The following PDE4A variants were observed in gnomAD, a reference collection of about 807,000 sequenced individuals.
PDE4A encodes the protein phosphodiesterase 4A, also known as 3',5'-cyclic-AMP phosphodiesterase 4A.
PDE4A carries 21 observed loss-of-function variants against 73.9 expected under a neutral mutation model. The observed-to-expected ratio is 0.28, with a 90% confidence interval of 0.20 to 0.41. PDE4A has a LOEUF of 0.41. Among genes scored for constraint, PDE4A ranks in the 10% least tolerant of loss-of-function variants. The pLI is 1.00. For synonymous variants in PDE4A, 463 were observed against 505.4 expected (o/e 0.92, Z 1.13); for missense variants, 958 against 1,211.4 (o/e 0.79, Z 3.10).
chr19:10,458,612 T>A lies in PDE4A; in HGVS notation c.1101+510T>A, dbSNP rs1328287004. On this transcript the variant is annotated intron_variant, in intron 8 of 14. Transcript: ENST00000380702. This position sits in a 1 kb window ranked among gnomAD's most constrained non-coding sequence, Gnocchi z 4.6. Reference sequence around the variant, plus strand: ...ATTCAGTCACCTGGCCTTTAGTTATTTATTTTTATTTATTTATTTATTTTG... The same window carrying A: ...ATTCAGTCACCTGGCCTTTAGTTATATATTTTTATTTATTTATTTATTTTG... Among the ~76,000 whole-genome samples, 1 of 152,086 alleles carries A rather than the reference T, an allele frequency of 6.6e-6. No individual in the cohort carries two copies. The highest frequency in any genetic ancestry group is 1.5e-5 in the Non-Finnish European group (1 of 68,018).
At position 10,463,986 on chromosome 19, in the gene PDE4A, G is replaced by A. The variant is rs200200254; in HGVS notation, c.1926+11G>A. On this transcript the variant is annotated intron_variant, in intron 14 of 14. Transcript: ENST00000380702. ...GTGGAGAAGTCTCAGGTACAGGCTC[G>A]GGGCATTGATGGACGGGCACAGGGT... is the stretch of plus-strand genomic sequence containing the variant. 549 of 1,613,560 alleles carry A rather than the reference G, an allele frequency of 3.4e-4. 1 individual carries two copies. Among genetic ancestry groups the A allele is most frequent in the Admixed American group, 7.0e-4 (42 of 59,922 alleles).
intron 13 of PDE4A, among the ~76,000 whole-genome samples, chr19:10,463,251 G>A (rs1290127311): frequency 6.6e-6 from 1 of 151,548 alleles, no homozygotes; most frequent in Non-Finnish European, 1.5e-5. Flanking sequence ...CACCAGACCT[G>A]GCTAATTTTT....
chr19:10,467,062 C>T lies in PDE4A; in HGVS notation c.2102C>T (p.Pro701Leu), dbSNP rs1325410572. Residue 701 changes from proline to leucine, a missense_variant, in exon 15 of 15, where the codon CCA becomes CTA. Pro to Leu is a moderately conservative substitution (Grantham distance 98). Transcript: ENST00000380702. ...GAGGAGTCAAGGGGGCCAGGCCACC[C>T]ACCCCTGCCTGACAAGTTCCAGTTT... Reference protein sequence around the residue: ...PEEESRGPGHPPLPDKFQFEL... With the variant: ...PEEESRGPGHLPLPDKFQFEL... The T allele has an allele frequency of 6.2e-7, 1 of 1,614,192 alleles. No homozygotes were observed. Among genetic ancestry groups the T allele is most frequent in the South Asian group, 1.1e-5 (1 of 91,086 alleles).
At chr19:10,438,456 C>A (rs1346802114) in intron 1 of PDE4A, among the ~76,000 whole-genome samples, 1 of 152,036 alleles carries the variant, frequency 6.6e-6, no homozygotes, top group Non-Finnish European at 1.5e-5. Context: ...CACAAACACA[C>A]CATTTCCCTA....
At chr19:10,428,859 G>A (rs776836161) in intron 1 of PDE4A, 276 of 985,276 alleles carry the variant, frequency 2.8e-4, no homozygotes, top group Non-Finnish European at 3.2e-4. Context: ...ACTGTTGGGC[G>A]CAGTGGCTCA....
intron 10 of PDE4A, 38 bp downstream of exon 10, chr19:10,459,797 CTT>C: frequency 1.9e-6 from 3 of 1,565,232 alleles, no homozygotes; most frequent in East Asian, 2.3e-5. Flanking sequence ...CCCCATCTCT[CTT>C]TGTGACTGCC....
At position 10,424,149 on chromosome 19, in the gene PDE4A, A is replaced by C. The variant is rs1468618961; in HGVS notation, c.320+3065A>C. On this transcript the variant is annotated intron_variant, in intron 1 of 14. Coordinates refer to ENST00000380702, the MANE Select transcript of PDE4A (RefSeq NM_001111307.2). The surrounding 1 kb of genome is among the most constrained non-coding windows in gnomAD (Gnocchi z 4.8). ...CATCCAAACCTCCCCTCCAGACCTG[A>C]AGATGTATGAGACGGCTGAGTCACG... Among the ~76,000 whole-genome samples the C allele has an allele frequency of 1.3e-5, 2 of 152,180 alleles. No individual in the cohort carries two copies. The highest frequency in any genetic ancestry group is 4.1e-4 in the South Asian group (2 of 4,834).
intron 1 of PDE4A, chr19:10,421,363 G>A (rs2042649565): frequency 1.0e-6 from 1 of 983,896 alleles, no homozygotes; most frequent in South Asian, 4.7e-5. Flanking sequence ...GCACACTTAG[G>A]GGTCTGTATT....
chr19:10,458,055 A>G lies in PDE4A; in HGVS notation c.1054A>G (p.Ile352Val), dbSNP rs909224071. The G allele has an allele frequency of 8.1e-6, 13 of 1,613,790 alleles. No individual in the cohort carries two copies. The highest frequency in any genetic ancestry group is 1.0e-5 in the Non-Finnish European group (12 of 1,180,016). Residue 352 changes from isoleucine (I) to valine (V), a missense_variant, in exon 8 of 15, where the codon ATT (isoleucine) becomes GTT (valine). By Grantham distance (29) the Ile-to-Val change is conservative (BLOSUM62 3). This residue lies in a region of PDE4A where 570 missense variants were observed against 827.7 expected (regional missense o/e 0.69). Transcript: ENST00000380702. This position sits in a 1 kb window ranked among gnomAD's most constrained non-coding sequence, Gnocchi z 4.6. ...TAGTAACAGCCTGAACAACTCTAACATTCCCCGATTTGGGGTGAAGACCGA... is the reference window on the plus strand; with the variant it reads ...TAGTAACAGCCTGAACAACTCTAACGTTCCCCGATTTGGGGTGAAGACCGA... Reference protein sequence around the residue: ...MHSNSLNNSNIPRFGVKTDQE... With the variant: ...MHSNSLNNSNVPRFGVKTDQE...
chr19:10,461,862 C>T lies in PDE4A; in HGVS notation c.1621-15C>T, dbSNP rs200943963. 3.1e-6 allele frequency: 5 copies of T among 1,610,118 alleles called. No homozygotes were observed. The South Asian group carries it at 4.4e-5, about 14-fold the overall frequency. On this transcript the variant is annotated splice_polypyrimidine_tract_variant and intron_variant, in intron 12 of 14. Coordinates refer to ENST00000380702, the MANE Select transcript of PDE4A (RefSeq NM_001111307.2). ...GCGGGTGTCAGCGGCCCCAGTGACG[C>T]CCCCTTGCCCGCAGGTGCTGGCCAC...
rs374946447 is a variant in PDE4A at position 10,443,948 on chromosome 19, A to G, written c.321-2270A>G. On this transcript the variant is annotated intron_variant, in intron 1 of 14. Transcript: ENST00000380702. ...ATTGAGCCCAGGAGGCAGAGGTTGC[A>G]ATGAGCCAAGATCGCATCACTGGAC... Among the ~76,000 whole-genome samples, 5 of 151,098 alleles carry G rather than the reference A, an allele frequency of 3.3e-5. No homozygotes were observed. The East Asian group carries it at 7.9e-4, about 24-fold the overall frequency.
At position 10,453,225 on chromosome 19, in the gene PDE4A, C is replaced by T. The variant is rs201487114; in HGVS notation, c.784-1604C>T. 155 of 1,592,656 alleles carry T rather than the reference C, an allele frequency of 9.7e-5. No homozygotes were observed. Among genetic ancestry groups the T allele is most frequent in the Non-Finnish European group, 1.3e-4 (151 of 1,169,682 alleles). On this transcript the variant is annotated intron_variant, in intron 6 of 14. Transcript: ENST00000380702. The surrounding 1 kb of genome is among the most constrained non-coding windows in gnomAD (Gnocchi z 4.6). Reference sequence around the variant, plus strand: ...AACCCCGGGACTCCCCAAGCCCAGCCTCTGTGTGCAGCAGCCCCAGGCGGG... The same window carrying T: ...AACCCCGGGACTCCCCAAGCCCAGCTTCTGTGTGCAGCAGCCCCAGGCGGG...
At chr19:10,450,166 AGAT>A (rs2043068367) in intron 4 of PDE4A, among the ~76,000 whole-genome samples, 1 of 152,166 alleles carries the variant, frequency 6.6e-6, no homozygotes, top group African/African-American at 2.4e-5. Context: ...TGAGGAGAGG[AGAT>A]GATGTCTAGA....
At position 10,424,987 on chromosome 19, in the gene PDE4A, C is replaced by T. The variant is rs767725633; in HGVS notation, c.320+3903C>T. Among the ~76,000 whole-genome samples the T allele has an allele frequency of 3.9e-5, 6 of 152,104 alleles. No individual in the cohort carries two copies. Among genetic ancestry groups the T allele is most frequent in the Admixed American group, 2.0e-4 (3 of 15,254 alleles). ...CTGTAATCTGAGCACTTTGGGAGAC[C>T]GAGGTGGGCGGATCACGAATGAGGT... On this transcript the variant is annotated intron_variant, in intron 1 of 14. Coordinates refer to ENST00000380702, the MANE Select transcript of PDE4A (RefSeq NM_001111307.2). This position sits in a 1 kb window ranked among gnomAD's most constrained non-coding sequence, Gnocchi z 4.8.
chr19:10,437,774 G>A (rs969850114), intron 1 of PDE4A, among the ~76,000 whole-genome samples: 1 of 147,166 alleles, frequency 6.8e-6, no homozygotes, highest in South Asian at 2.2e-4. Context: ...TCACATTGTT[G>A]TGCAACCATC....
chr19:10,420,711 G>A lies in PDE4A; in HGVS notation c.-54G>A, dbSNP rs1048851609. On this transcript the variant is annotated 5_prime_UTR_variant, in exon 1 of 15. Coordinates refer to ENST00000380702, the MANE Select transcript of PDE4A (RefSeq NM_001111307.2). The surrounding 1 kb of genome is among the most constrained non-coding windows in gnomAD (Gnocchi z 6.0). ...TCGCTGGCTTGCGCGCAGCTGAGCGGGGTGTAGGTTGGAAGGGCCAGGGCC... is the reference window on the plus strand; with the variant it reads ...TCGCTGGCTTGCGCGCAGCTGAGCGAGGTGTAGGTTGGAAGGGCCAGGGCC... 2.6e-4 allele frequency: 369 copies of A among 1,431,864 alleles called. No individual in the cohort carries two copies. Among genetic ancestry groups the A allele is most frequent in the Non-Finnish European group, 2.8e-4 (304 of 1,104,942 alleles). The allele number at this position is 1,431,864 out of a possible 1,614,324, so 88.7% of individuals were successfully genotyped here.
intron 1 of PDE4A, chr19:10,427,685 T>C: frequency 1.0e-6 from 1 of 969,574 alleles, no homozygotes; most frequent in Non-Finnish European, 1.2e-6. Context: ...TCTTTCTAGA[T>C]TGGGAGACCC....
chr19:10,419,859 T>C (rs2042626542), upstream of PDE4A, among the ~76,000 whole-genome samples: 1 of 152,066 alleles, frequency 6.6e-6, no homozygotes, highest in Non-Finnish European at 1.5e-5. Flanking sequence ...ATCCTCCAAA[T>C]AGGTAGCACA....
chr19:10,455,193 T>G (rs948319374), intron 7 of PDE4A, among the ~76,000 whole-genome samples: 1 of 152,158 alleles, frequency 6.6e-6, no homozygotes, highest in Non-Finnish European at 1.5e-5. Context: ...CCGGGCGCGG[T>G]GGCTCACGCC....
Sources: gnomAD v4.1 joint callset for allele counts (sites outside exome capture counted in the v4.1 genomes callset) on GRCh38, gnomAD v4.1.1 for gene constraint, gnomAD v4.1.1 regional missense constraint, Gnocchi (gnomAD v3.1) non-coding constraint, MANE v1.5 for transcripts, NCBI Gene and HGNC (gene_info 2026-07-23, HGNC 2026-07-21) for gene names.